The following FTCDNL1 variants were observed in gnomAD, a reference collection of about 807,000 sequenced individuals.
FTCDNL1 encodes the protein formiminotransferase N-terminal subdomain-containing protein.
A neutral mutation model predicts 5.9 loss-of-function variants in FTCDNL1; 11 were observed. That is an observed-to-expected ratio of 1.87 (90% CI 1.18 to 3.10). The LOEUF is 3.10. Ranked by LOEUF, FTCDNL1 falls within the 30% of genes most tolerant of loss-of-function variation. The probability of loss-of-function intolerance (pLI) is 0.00; values close to 1 mark genes in which losing one functional copy is unlikely to be tolerated. For missense variants in FTCDNL1, 115 were observed against 65.5 expected (o/e 1.76, Z -2.61); for synonymous variants, 58 against 24.8 (o/e 2.34, Z -3.99).
rs1352627889 is a variant in FTCDNL1 at position 199,851,152 on chromosome 2, C to T, written c.-420G>A. The T allele has an allele frequency of 6.8e-6, 1 of 147,932 alleles. No individual in the cohort carries two copies. Among genetic ancestry groups the T allele is most frequent in the Admixed American group, 6.7e-5 (1 of 14,868 alleles). The allele number at this position is 147,932 out of a possible 1,614,324, so 9.2% of individuals were successfully genotyped here. On this transcript the variant is annotated 5_prime_UTR_variant, in exon 1 of 5. Coordinates refer to ENST00000420128, the MANE Select transcript of FTCDNL1 (RefSeq NM_001363886.2). ...GCGCGTGGCCCGCGCGCAGCCTCCG[C>T]CGCCGCGCGTGGCCCGCGCGCAGCG...
intron 3 of FTCDNL1, among the ~76,000 whole-genome samples, chr2:199,841,327 C>T (rs568325553): frequency 6.6e-6 from 1 of 151,542 alleles, no homozygotes; most frequent in South Asian, 2.1e-4. Flanking sequence ...GCGGGGTTTG[C>T]AGTGAGCCGA....
the FTCDNL1 span, among the ~76,000 whole-genome samples, chr2:199,746,343 C>A: frequency 6.6e-6 from 1 of 152,160 alleles, no homozygotes; most frequent in African/African-American, 2.4e-5. Flanking sequence ...TTCCAAGAAA[C>A]TCATCTTAGT....
At chr2:199,812,801 T>A in intron 4 of FTCDNL1, 77 bp from the exon 5 acceptor site, 1 of 649,922 alleles carries the variant, frequency 1.5e-6, no homozygotes, top group Non-Finnish European at 2.8e-6. Flanking sequence ...TCATTCTAAA[T>A]ATTGGTGTTT....
intron 3 of FTCDNL1, among the ~76,000 whole-genome samples, chr2:199,802,422 A>G (rs1574555084): frequency 6.6e-6 from 1 of 152,332 alleles, no homozygotes; most frequent in South Asian, 2.1e-4. Flanking sequence ...TCAATGTGTC[A>G]AGTCCATAAA....
At chr2:199,849,744 T>C (rs2076825933) in intron 1 of FTCDNL1, among the ~76,000 whole-genome samples, 1 of 152,232 alleles carries the variant, frequency 6.6e-6, no homozygotes, top group East Asian at 1.9e-4. Flanking sequence ...ATGATATTCA[T>C]GATCTAAAGG....
rs3081593 is a variant in FTCDNL1, at chr2:199,809,899, ATTT to A, written c.*2803_*2805del. 1.4e-5 allele frequency among the ~76,000 whole-genome samples: 2 copies of A among 146,132 alleles called. No individual in the cohort carries two copies. The highest frequency in any genetic ancestry group is 3.0e-5 in the Non-Finnish European group (2 of 66,362). The stretch of plus-strand genomic sequence containing the variant: ...TCATTTTTTAGTCACTTAGTACCTG[ATTT>A]TTTTTTTTTTTGGTAACCCTCCCAT... On this transcript the variant is annotated 3_prime_UTR_variant, in exon 5 of 5. Transcript: ENST00000420128.
At chr2:199,752,736 C>CTG in the FTCDNL1 span, among the ~76,000 whole-genome samples, 75 of 25,656 alleles carry the variant, frequency 2.9e-3, no homozygotes, top group Non-Finnish European at 0.015. Context: ...CTATCTCTCT[C>CTG]TCTCTGTGTG....
At chr2:199,701,863 C>T in the FTCDNL1 span, among the ~76,000 whole-genome samples, 11 of 151,950 alleles carry the variant, frequency 7.2e-5, no homozygotes, top group African/African-American at 2.4e-4. Flanking sequence ...GGCGAAACCC[C>T]GTCTCTACTA....
chr2:199,703,668 T>C, the FTCDNL1 span, among the ~76,000 whole-genome samples: 2 of 152,174 alleles, frequency 1.3e-5, no homozygotes, highest in Non-Finnish European at 2.9e-5. Flanking sequence ...CTATGCTCAT[T>C]ACCTGGGTGG....
chr2:199,711,953 C>T, the FTCDNL1 span, among the ~76,000 whole-genome samples: 1 of 152,268 alleles, frequency 6.6e-6, no homozygotes, highest in East Asian at 1.9e-4. Flanking sequence ...TGATGGCTTG[C>T]CTGTGTTCCC....
At chr2:199,740,671 T>C in the FTCDNL1 span, among the ~76,000 whole-genome samples, 7 of 152,196 alleles carry the variant, frequency 4.6e-5, no homozygotes, top group East Asian at 1.3e-3. Flanking sequence ...TTGCCTGCTC[T>C]GGCAACCTCA....
chr2:199,781,383 C>G (rs1176368169), intron 3 of FTCDNL1, among the ~76,000 whole-genome samples: 1 of 152,142 alleles, frequency 6.6e-6, no homozygotes, highest in African/African-American at 2.4e-5. Flanking sequence ...GGTCATCTTC[C>G]AGACCACAGA....
At chr2:199,774,682 T>C (rs1266817612) in intron 3 of FTCDNL1, among the ~76,000 whole-genome samples, 1 of 152,168 alleles carries the variant, frequency 6.6e-6, no homozygotes, top group African/African-American at 2.4e-5. Flanking sequence ...GGCCTTGACA[T>C]GATAGACTTT....
downstream of FTCDNL1, among the ~76,000 whole-genome samples, chr2:199,759,263 A>C (rs934985878): frequency 6.6e-6 from 1 of 151,954 alleles, no homozygotes; most frequent in African/African-American, 2.4e-5. Flanking sequence ...GATGGTGGTC[A>C]AGGAAAACTA....
At chr2:199,832,792 T>C (rs1471088593) in intron 3 of FTCDNL1, among the ~76,000 whole-genome samples, 2 of 152,112 alleles carry the variant, frequency 1.3e-5, no homozygotes, top group East Asian at 3.9e-4. Flanking sequence ...GCAGAGGACC[T>C]GGGGCTTTAC....
the FTCDNL1 span, among the ~76,000 whole-genome samples, chr2:199,699,728 T>G: frequency 1.3e-5 from 2 of 152,232 alleles, no homozygotes; most frequent in East Asian, 1.9e-4. Context: ...GTTTTTGGGA[T>G]GCAAGGTTGG....
chr2:199,753,467 C>T, the FTCDNL1 span, among the ~76,000 whole-genome samples: 115,710 of 152,156 alleles, frequency 0.76, 47,616 homozygotes, highest in South Asian at 0.96. Context: ...GAGAAGCCAA[C>T]GAAGAACTTT....
At chr2:199,833,224 G>A (rs58319901) in intron 3 of FTCDNL1, among the ~76,000 whole-genome samples, 38,707 of 151,956 alleles carry the variant, frequency 0.25, 5,957 homozygotes, top group South Asian at 0.41. Context: ...CACCTGCCTC[G>A]ACCTCCCAAA....
the FTCDNL1 span, among the ~76,000 whole-genome samples, chr2:199,732,573 G>A: frequency 6.7e-6 from 1 of 150,324 alleles, no homozygotes; most frequent in Non-Finnish European, 1.5e-5. Flanking sequence ...CATAAAATGA[G>A]GTAGATCTAT....
Sources: allele counts gnomAD v4.1 joint callset (sites outside exome capture counted in the v4.1 genomes callset), GRCh38; gene constraint gnomAD v4.1.1; transcripts MANE v1.5; gene names NCBI Gene and HGNC (gene_info 2026-07-23, HGNC 2026-07-21).